The following ARHGEF9 variants were observed in gnomAD, a reference collection of about 807,000 sequenced individuals.
ARHGEF9 encodes the protein Cdc42 guanine nucleotide exchange factor 9.
ARHGEF9 carries 2 observed loss-of-function variants against 41.3 expected under a neutral mutation model. That is an observed-to-expected ratio of 0.05 (90% CI 0.02 to 0.15). The LOEUF (loss-of-function observed/expected upper bound fraction) is 0.15. Ranked by LOEUF, ARHGEF9 falls within the 10% of genes least tolerant of loss-of-function variation. The probability of loss-of-function intolerance (pLI) is 1.00; values close to 1 mark genes in which losing one functional copy is unlikely to be tolerated. For synonymous variants in ARHGEF9, 160 were observed against 154.4 expected (o/e 1.04, Z -0.27); for missense variants, 225 against 424.7 (o/e 0.53, Z 4.13).
intron 1 of ARHGEF9, among the ~76,000 whole-genome samples, chrX:63,782,062 A>T (rs782112429): frequency 9.0e-6 from 1 of 110,863 alleles, no homozygotes; most frequent in Admixed American, 9.6e-5. Context: ...AACAGGTTTT[A>T]TTTTTTTTCC....
At chrX:63,716,489 G>C (rs1261094115) in intron 2 of ARHGEF9, among the ~76,000 whole-genome samples, 1 of 111,297 alleles carries the variant, frequency 9.0e-6, no homozygotes, top group African/African-American at 3.3e-5. Flanking sequence ...ACTCTTAGAG[G>C]ATGGGCTGAA....
intron 1 of ARHGEF9, among the ~76,000 whole-genome samples, chrX:63,776,812 T>C (rs781894050): frequency 6.2e-4 from 70 of 112,070 alleles, no homozygotes; most frequent in African/African-American, 2.2e-3. Context: ...TCCCAAGCTG[T>C]ACGGCACTTT....
chrX:63,652,198 T>C (rs1241084098), intron 8 of ARHGEF9, among the ~76,000 whole-genome samples: 4 of 111,576 alleles, frequency 3.6e-5, no homozygotes, highest in Non-Finnish European at 7.5e-5. Context: ...GCAATATCTG[T>C]AGTGGGAAAT....
intron 1 of ARHGEF9, among the ~76,000 whole-genome samples, chrX:63,780,027 C>T (rs782356037): frequency 8.9e-6 from 1 of 111,833 alleles, no homozygotes; most frequent in Non-Finnish European, 1.9e-5. Flanking sequence ...TCTAGGAAGA[C>T]TTCTTAAAAA....
At position 63,784,993 on chromosome X, in the gene ARHGEF9, G is replaced by T. The variant is rs1283431599; in HGVS notation, c.30+123C>A. ...GCAAGCTCACTGGTGTCTCAAGGAC[G>T]GCGGCTAGGGCGGTGGGCAGAGGCC... On this transcript the variant is annotated intron_variant, in intron 1 of 9. Coordinates refer to ENST00000671741, the MANE Select transcript of ARHGEF9 (RefSeq NM_001353921.2). 3.5e-6 allele frequency: 3 copies of T among 858,960 alleles called. No individual in the cohort carries two copies. The African/African-American group carries it at 6.0e-5, about 17-fold the overall frequency. The allele number at this position is 858,960 out of a possible 1,213,427, so 70.8% of individuals were successfully genotyped here.
At chrX:63,712,094 T>C (rs2052971218) in intron 2 of ARHGEF9, among the ~76,000 whole-genome samples, 1 of 112,005 alleles carries the variant, frequency 8.9e-6, no homozygotes. Flanking sequence ...CGTCCTAGAA[T>C]GGCTGTAATA....
chrX:63,717,169 C>T (rs1329519120), intron 2 of ARHGEF9, among the ~76,000 whole-genome samples: 3 of 111,910 alleles, frequency 2.7e-5, no homozygotes, highest in Non-Finnish European at 5.6e-5. Flanking sequence ...AGAAGTTTTT[C>T]AATCCATTCT....
intron 4 of ARHGEF9, among the ~76,000 whole-genome samples, chrX:63,694,432 A>G (rs781915330): frequency 1.8e-5 from 2 of 112,539 alleles, no homozygotes; most frequent in East Asian, 5.6e-4. Flanking sequence ...AGCTTTATGC[A>G]TTAGAGTTCA....
intron 1 of ARHGEF9, among the ~76,000 whole-genome samples, chrX:63,765,397 T>TA (rs1215037737): frequency 2.1e-3 from 216 of 103,362 alleles, no homozygotes; most frequent in Middle Eastern, 4.8e-3. Flanking sequence ...TAAAAAAAAT[T>TA]AAAAAAAAAA....
At chrX:63,744,573 C>T (rs1157506072) in intron 1 of ARHGEF9, among the ~76,000 whole-genome samples, 1 of 112,302 alleles carries the variant, frequency 8.9e-6, no homozygotes, top group Non-Finnish European at 1.9e-5. Flanking sequence ...GACAATAAGT[C>T]TTTGAACATT....
Position 63,749,258 on chromosome X carries a change from C to G in ARHGEF9, c.31-24547G>C, listed in dbSNP as rs539489357. 5.4e-5 allele frequency among the ~76,000 whole-genome samples: 6 copies of G among 111,100 alleles called. No homozygotes were observed. The South Asian group carries it at 2.3e-3, about 42-fold the overall frequency. The stretch of plus-strand genomic sequence containing the variant: ...TTTCTTTCTTTTTTTTTGGGACGGA[C>G]TCTCGCTCTGTCACCCAGGCTGGAG... On this transcript the variant is annotated intron_variant, in intron 1 of 9. Transcript: ENST00000671741.
chrX:63,756,899 T>C (rs2147795790), intron 1 of ARHGEF9, among the ~76,000 whole-genome samples: 1 of 111,852 alleles, frequency 8.9e-6, no homozygotes, highest in East Asian at 2.8e-4. Flanking sequence ...CTCATTGTCC[T>C]ATAGAAAACT....
Position 63,637,040 on chromosome X carries a change from T to C in ARHGEF9, c.*988A>G. The C allele has an allele frequency of 1.0e-5, 3 of 297,401 alleles. No individual in the cohort carries two copies. The highest frequency in any genetic ancestry group is 1.8e-5 in the Non-Finnish European group (3 of 170,301). 24.5% of individuals were successfully genotyped at this position (297,401 alleles called of 1,213,427 possible). ...TCCTGGGAGGCAGAATCTCAACCTCTGCTTCCAGTTCAGATCTTTTGGGCT... is the reference window on the plus strand; with the variant it reads ...TCCTGGGAGGCAGAATCTCAACCTCCGCTTCCAGTTCAGATCTTTTGGGCT... On this transcript the variant is annotated 3_prime_UTR_variant, in exon 10 of 10. Coordinates refer to ENST00000671741, the MANE Select transcript of ARHGEF9 (RefSeq NM_001353921.2).
intron 4 of ARHGEF9, among the ~76,000 whole-genome samples, chrX:63,693,853 C>T (rs1380233098): frequency 9.1e-6 from 1 of 109,423 alleles, no homozygotes; most frequent in Non-Finnish European, 1.9e-5. Context: ...CCACTACACA[C>T]CTACATGTTA....
intron 3 of ARHGEF9, among the ~76,000 whole-genome samples, chrX:63,700,040 C>A (rs2052042579): frequency 9.0e-6 from 1 of 111,243 alleles, no homozygotes; most frequent in Admixed American, 9.6e-5. Context: ...AAAGTCTTTG[C>A]CAGAGAGTGT....
intron 1 of ARHGEF9, among the ~76,000 whole-genome samples, chrX:63,730,285 TTCTCCAATGTAAGCATTAACA>T (rs1455668391): frequency 8.9e-6 from 1 of 112,616 alleles, no homozygotes; most frequent in African/African-American, 3.2e-5. Context: ...ACCTCTATAA[TTCTCCAATGTAAGCATTAACA>T]TCTCCATTTT....
intron 1 of ARHGEF9, among the ~76,000 whole-genome samples, chrX:63,781,944 G>T (rs782734790): frequency 5.4e-5 from 6 of 111,933 alleles, no homozygotes; most frequent in Non-Finnish European, 1.1e-4. Flanking sequence ...CATATACACA[G>T]AGCTTGTTCC....
intron 1 of ARHGEF9, among the ~76,000 whole-genome samples, chrX:63,730,587 T>G (rs1556419533): frequency 8.9e-6 from 1 of 111,941 alleles, no homozygotes; most frequent in African/African-American, 3.3e-5. Flanking sequence ...GAAGTGCAGC[T>G]TGAGAACCTG....
At chrX:63,646,529 C>A (rs1323968875) in intron 8 of ARHGEF9, among the ~76,000 whole-genome samples, 1 of 111,823 alleles carries the variant, frequency 8.9e-6, no homozygotes, top group African/African-American at 3.2e-5. Context: ...TGTCAAAGAT[C>A]AGATGGTTGT....
Sources: allele counts gnomAD v4.1 joint callset (sites outside exome capture counted in the v4.1 genomes callset), GRCh38; gene constraint gnomAD v4.1.1; transcripts MANE v1.5; gene names NCBI Gene and HGNC (gene_info 2026-07-23, HGNC 2026-07-21).